ANKRD28: variants seen among roughly 807,000 people sequenced by gnomAD.
ANKRD28 encodes ankyrin repeat domain 28.
Under a neutral mutation model 126.5 loss-of-function variants are expected in ANKRD28, and 44 were observed. That is an observed-to-expected ratio of 0.35 (90% CI 0.27 to 0.45). ANKRD28 has a LOEUF of 0.45. ANKRD28 is among the 20% of genes least tolerant of loss of function. The pLI is 1.00. For missense variants in ANKRD28, 1,110 were observed against 1,316.6 expected (o/e 0.84, Z 2.43); for synonymous variants, 442 against 468.5 (o/e 0.94, Z 0.73).
chr3:15,675,866 G>C (rs2066882671), intron 27 of ANKRD28, 32 bp downstream of exon 27: 1 of 1,523,814 alleles, frequency 6.6e-7, no homozygotes. Flanking sequence ...AAAAGCTCTA[G>C]GTTAAGGGAA....
chr3:15,795,373 T>G, intron 1 of ANKRD28, 67 bp from the exon 2 acceptor site: 1 of 1,136,984 alleles, frequency 8.8e-7, no homozygotes, highest in Non-Finnish European at 1.3e-6. Context: ...ATATTTTACA[T>G]AGTTCTGGAA....
chr3:15,841,578 T>C (rs1382054497), intron 1 of ANKRD28, among the ~76,000 whole-genome samples: 1 of 151,768 alleles, frequency 6.6e-6, no homozygotes, highest in Non-Finnish European at 1.5e-5. Context: ...CAAACAAATG[T>C]ACAGAAAAAA....
At chr3:15,787,421 C>T (rs923742271) in intron 2 of ANKRD28, among the ~76,000 whole-genome samples, 8 of 152,164 alleles carry the variant, frequency 5.3e-5, no homozygotes, top group South Asian at 2.1e-4. Context: ...AGGCACTGGC[C>T]ACAAAGAGCT....
At chr3:15,832,447 T>C (rs1006721705) in intron 1 of ANKRD28, among the ~76,000 whole-genome samples, 1 of 152,194 alleles carries the variant, frequency 6.6e-6, no homozygotes, top group Admixed American at 6.5e-5. Context: ...CTAATTTCCA[T>C]CAGTTCAATG....
rs191400893 is a variant in ANKRD28, at chr3:15,788,811, G to T, written c.201+6412C>A. On this transcript the variant is annotated intron_variant, in intron 2 of 27. Coordinates refer to ENST00000683139, the MANE Select transcript of ANKRD28 (RefSeq NM_001349278.2). ...GAAAGCTTTTGGGCAAAAGCAGGAG[G>T]TCACTGAAAGTCATTTAGAATTTTT... 2.7e-3 allele frequency among the ~76,000 whole-genome samples: 411 copies of T among 152,138 alleles called. 1 individual carries two copies. Among genetic ancestry groups the T allele is most frequent in the African/African-American group, 9.5e-3 (393 of 41,526 alleles).
rs1189778027 is a variant in ANKRD28, at chr3:15,712,152, G to A, written c.1261C>T (p.Leu421Phe). Residue 421 changes from leucine (L) to phenylalanine (F), a missense_variant, in exon 11 of 28, where the codon CTT becomes TTT. Coordinates refer to ENST00000683139, the MANE Select transcript of ANKRD28 (RefSeq NM_001349278.2). ...AGGTTACACTTACCTGAAGAAAGAAGTTTTCTGCAGCAATCTGAAAAGCCG... is the reference window on the plus strand; with the variant it reads ...AGGTTACACTTACCTGAAGAAAGAAATTTTCTGCAGCAATCTGAAAAGCCG... The part of the protein sequence containing the change: ...LSGFSDCCRK[L>F]LSSGFDIDTP... 1.9e-6 allele frequency: 3 copies of A among 1,577,160 alleles called. No individual in the cohort carries two copies. The highest frequency in any genetic ancestry group is 1.7e-6 in the Non-Finnish European group (2 of 1,160,758).
rs2068111112 is a variant in ANKRD28 at position 15,686,224 on chromosome 3, T to C, written c.2049A>G (p.Gly683=). The C allele has an allele frequency of 1.3e-6, 2 of 1,590,730 alleles. No homozygotes were observed. Among genetic ancestry groups the C allele is most frequent in the African/African-American group, 1.3e-5 (1 of 74,784 alleles). ...QNAVDIQDGN[G]QTPLMLSVLN... ...AACAATTATTTATCGAAACTTACTGTCCATTTCCATCTTGAATATCCACTG... is the reference window on the plus strand; with the variant it reads ...AACAATTATTTATCGAAACTTACTGCCCATTTCCATCTTGAATATCCACTG... Residue 683 remains glycine, a splice_region_variant and synonymous_variant, in exon 19 of 28, where the codon GGA becomes GGG. Transcript: ENST00000683139.
Position 15,815,316 on chromosome 3 carries a change from T to C in ANKRD28, c.28-20010A>G, listed in dbSNP as rs1017043279. ...GTGGGGCCAACCACATTTCTTTTGT[T>C]TTTCTTTTATGACAAAATTTTGCCC... On this transcript the variant is annotated intron_variant, in intron 1 of 27. Transcript: ENST00000399451. The surrounding 1 kb of genome is among the most constrained non-coding windows in gnomAD (Gnocchi z 4.1). Among the ~76,000 whole-genome samples the C allele has an allele frequency of 6.6e-6, 1 of 152,126 alleles. No individual in the cohort carries two copies. Among genetic ancestry groups the C allele is most frequent in the African/African-American group, 2.4e-5 (1 of 41,410 alleles).
intron 1 of ANKRD28, among the ~76,000 whole-genome samples, chr3:15,837,910 A>G (rs1010328871): frequency 4.0e-5 from 6 of 149,844 alleles, no homozygotes; most frequent in Non-Finnish European, 8.9e-5. Context: ...AAAAAAAAAA[A>G]TGAAGATACT....
chr3:15,848,358 G>C (rs1048761634), intron 1 of ANKRD28, among the ~76,000 whole-genome samples: 2 of 152,136 alleles, frequency 1.3e-5, no homozygotes, highest in African/African-American at 4.8e-5. Flanking sequence ...GTGCAAGACA[G>C]GGGCTATTTA....
In ANKRD28 at chr3:15,757,486, G is replaced by A. The variant is rs192789488; in HGVS notation, c.281-5666C>T. 4.6e-5 allele frequency among the ~76,000 whole-genome samples: 7 copies of A among 152,166 alleles called. No homozygotes were observed. The East Asian group carries it at 9.6e-4, about 21-fold the overall frequency. On this transcript the variant is annotated intron_variant, in intron 3 of 27. Coordinates refer to ENST00000683139, the MANE Select transcript of ANKRD28 (RefSeq NM_001349278.2). ...CTTGTCAAATGGTCTGAATGTTTGC[G>A]TTCCCCCAAAATTTATGTTAAAATC...
chr3:15,757,075 G>A (rs1190899495), intron 3 of ANKRD28, among the ~76,000 whole-genome samples: 1 of 152,124 alleles, frequency 6.6e-6, no homozygotes, highest in African/African-American at 2.4e-5. Context: ...GGATGAAGAT[G>A]TTTATGATGA....
intron 18 of ANKRD28, among the ~76,000 whole-genome samples, chr3:15,687,512 T>C (rs962874781): frequency 1.3e-5 from 2 of 152,096 alleles, no homozygotes; most frequent in African/African-American, 4.8e-5. Flanking sequence ...AAGTCTGAAG[T>C]TTAAAGAAAT....
In ANKRD28 at chr3:15,751,655, C is replaced by T. The variant is rs1056094872; in HGVS notation, c.351+95G>A. 1.2e-4 allele frequency: 97 copies of T among 840,798 alleles called. 2 individuals are homozygous for T. Among genetic ancestry groups the T allele is most frequent in the South Asian group, 3.2e-4 (19 of 59,782 alleles). 52.1% of individuals were successfully genotyped at this position (840,798 alleles called of 1,614,324 possible). On this transcript the variant is annotated intron_variant, in intron 4 of 27. Coordinates refer to ENST00000683139, the MANE Select transcript of ANKRD28 (RefSeq NM_001349278.2). The stretch of plus-strand genomic sequence containing the variant: ...CAGTCAAGGTATCTCAGTAGCTTTT[C>T]CTTCTTTTGAAAACATAGAATTTGA...
At chr3:15,809,495 T>A (rs1288638831) in intron 1 of ANKRD28, among the ~76,000 whole-genome samples, 1 of 152,202 alleles carries the variant, frequency 6.6e-6, no homozygotes, top group African/African-American at 2.4e-5. Context: ...CTAGACAATG[T>A]CTTCCTCAGG....
rs573481408 is a variant in ANKRD28, at chr3:15,720,266, GTTTT to G, written c.996+645_996+648del. 1.4e-3 allele frequency among the ~76,000 whole-genome samples: 207 copies of G among 151,636 alleles called. 3 individuals are homozygous for G. The highest frequency in any genetic ancestry group is 2.3e-3 in the South Asian group (11 of 4,800). On this transcript the variant is annotated intron_variant, in intron 8 of 27. Coordinates refer to ENST00000683139, the MANE Select transcript of ANKRD28 (RefSeq NM_001349278.2). Reference sequence around the variant, plus strand: ...ATTCCTTATGTGCAACACACTGACAGTTTTTTTTCCCTAACACTGTAAAATTTGA... The same window carrying G: ...ATTCCTTATGTGCAACACACTGACAGTTTTCCCTAACACTGTAAAATTTGA...
Position 15,747,406 on chromosome 3 carries a change from T to C in ANKRD28, c.351+4344A>G, listed in dbSNP as rs536003578. ...TTGATAGGTTGTGCCACTATTATTG[T>C]TCAGTTCAAAGAATTTTTCAATTTC... On this transcript the variant is annotated intron_variant, in intron 4 of 27. Transcript: ENST00000683139. 5.8e-4 allele frequency among the ~76,000 whole-genome samples: 89 copies of C among 152,322 alleles called. 2 individuals carry two copies. The highest frequency in any genetic ancestry group is 3.7e-3 in the Admixed American group (57 of 15,300).
chr3:15,694,360 C>T lies in ANKRD28; in HGVS notation c.1761+379G>A, dbSNP rs76462650. On this transcript the variant is annotated intron_variant, in intron 17 of 27. Coordinates refer to ENST00000683139, the MANE Select transcript of ANKRD28 (RefSeq NM_001349278.2). ...AAGTAAGCAAAAAATTGTAGAAATA[C>T]CACAGAATGTGTGTGTATACCATCT... Among the ~76,000 whole-genome samples, 644 of 152,212 alleles carry T rather than the reference C, an allele frequency of 4.2e-3. 4 individuals carry two copies. Among genetic ancestry groups the T allele is most frequent in the East Asian group, 0.019 (98 of 5,188 alleles).
intron 2 of ANKRD28, among the ~76,000 whole-genome samples, chr3:15,792,846 C>T (rs922813089): frequency 6.6e-6 from 1 of 151,828 alleles, no homozygotes; most frequent in Non-Finnish European, 1.5e-5. Flanking sequence ...TATTATGTAC[C>T]CACAAATTTT....
Sources: allele counts gnomAD v4.1 joint callset (sites outside exome capture counted in the v4.1 genomes callset), GRCh38; gene constraint gnomAD v4.1.1; non-coding constraint Gnocchi (gnomAD v3.1); transcripts MANE v1.5; gene names NCBI Gene and HGNC (gene_info 2026-07-23, HGNC 2026-07-21).